SLIT2: variants seen among roughly 807,000 people sequenced by gnomAD.
The protein encoded by SLIT2 is slit guidance ligand 2, also known as slit homolog 2 protein.
Under a neutral mutation model 185.7 loss-of-function variants are expected in SLIT2, and 41 were observed. The observed-to-expected ratio is 0.22, with a 90% CI of 0.17 to 0.29. The LOEUF is 0.29. Among genes scored for constraint, SLIT2 ranks in the 10% least tolerant of loss-of-function variants. SLIT2 has a pLI of 1.00. For missense variants in SLIT2, 1,571 were observed against 1,909.0 expected (o/e 0.82, Z 3.30); for synonymous variants, 693 against 680.2 (o/e 1.02, Z -0.29).
At chr4:20,514,708 G>A (rs1447450064) in intron 11 of SLIT2, among the ~76,000 whole-genome samples, 1 of 147,130 alleles carries the variant, frequency 6.8e-6, no homozygotes, top group African/African-American at 2.4e-5. Context: ...TTAGAGATAA[G>A]TGGACTTGAT....
chr4:20,456,229 G>A (rs1713053518), intron 4 of SLIT2, among the ~76,000 whole-genome samples: 1 of 152,040 alleles, frequency 6.6e-6, no homozygotes, highest in Non-Finnish European at 1.5e-5. Context: ...AAACTTCTTA[G>A]TCCTCTAGTC....
chr4:20,586,740 G>A (rs1281763544), intron 29 of SLIT2, among the ~76,000 whole-genome samples: 1 of 152,142 alleles, frequency 6.6e-6, no homozygotes, highest in Non-Finnish European at 1.5e-5. Flanking sequence ...ATTAGAGATA[G>A]AGAAGAAATA....
chr4:20,289,703 G>A (rs1464580886), intron 4 of SLIT2, among the ~76,000 whole-genome samples: 3 of 152,126 alleles, frequency 2.0e-5, no homozygotes, highest in African/African-American at 7.2e-5. Flanking sequence ...GTTCACTGTT[G>A]TATCCTTAGT....
At chr4:20,437,522 G>C (rs2148693956) in intron 4 of SLIT2, among the ~76,000 whole-genome samples, 1 of 152,192 alleles carries the variant, frequency 6.6e-6, no homozygotes, top group Admixed American at 6.5e-5. Context: ...AGCTGGGGTG[G>C]GAGGATCACC....
intron 26 of SLIT2, among the ~76,000 whole-genome samples, chr4:20,566,039 C>T (rs904463639): frequency 4.6e-5 from 7 of 152,020 alleles, no homozygotes; most frequent in African/African-American, 1.7e-4. Context: ...ATCAACAACG[C>T]AAGCGTGGGC....
At chr4:20,366,782 G>GT (rs1174812851) in intron 4 of SLIT2, among the ~76,000 whole-genome samples, 2 of 151,934 alleles carry the variant, frequency 1.3e-5, no homozygotes, top group African/African-American at 2.4e-5. Context: ...ATATTTTAGG[G>GT]TTTTTTTAGT....
At chr4:20,515,858 G>A (rs1720158401) in intron 11 of SLIT2, among the ~76,000 whole-genome samples, 1 of 151,974 alleles carries the variant, frequency 6.6e-6, no homozygotes, top group African/African-American at 2.4e-5. Context: ...CACTGTCACC[G>A]AGGCTGGAGT....
At chr4:20,358,118 A>G (rs1722476631) in intron 4 of SLIT2, among the ~76,000 whole-genome samples, 1 of 152,150 alleles carries the variant, frequency 6.6e-6, no homozygotes. Flanking sequence ...TAATTGGTCC[A>G]GAAAATCAGA....
intron 4 of SLIT2, among the ~76,000 whole-genome samples, chr4:20,361,338 A>G (rs542154087): frequency 6.2e-4 from 94 of 152,184 alleles, no homozygotes; most frequent in Admixed American, 2.3e-3. Context: ...CTACCCATCC[A>G]TCAATGAACT....
At chr4:20,421,527 T>C (rs1728174573) in intron 4 of SLIT2, among the ~76,000 whole-genome samples, 1 of 152,174 alleles carries the variant, frequency 6.6e-6, no homozygotes, top group South Asian at 2.1e-4. Context: ...CGATAAACTT[T>C]TTTGAAAGCA....
At chr4:20,553,755 GTA>G (rs1491407084) in intron 25 of SLIT2, 48 bp from the exon 26 acceptor site, 9 of 1,370,456 alleles carry the variant, frequency 6.6e-6, no homozygotes, top group South Asian at 1.6e-5. Context: ...GTGTGTGTGT[GTA>G]TGTGTGTGTG....
rs114885805 is a variant in SLIT2, at chr4:20,322,176, C to G, written c.395+53295C>G. On this transcript the variant is annotated intron_variant, in intron 4 of 36. Coordinates refer to ENST00000504154, the MANE Select transcript of SLIT2 (RefSeq NM_004787.4). ...CATATGTGAACCTCCAAATCTCAGA[C>G]AGGTTTCAGTCAATTTAAGAAGTGT... 1.0e-3 allele frequency among the ~76,000 whole-genome samples: 152 copies of G among 152,308 alleles called. 1 individual carries two copies. The highest frequency in any genetic ancestry group is 3.2e-3 in the African/African-American group (131 of 41,566).
At chr4:20,326,746 C>CTTTTT (rs59509608) in intron 4 of SLIT2, among the ~76,000 whole-genome samples, 11 of 54,710 alleles carry the variant, frequency 2.0e-4, no homozygotes, top group African/African-American at 4.2e-4. Context: ...ATTCTGAAAC[C>CTTTTT]TTTTTTTTTT....
chr4:20,264,574 A>G (rs1712830351), intron 3 of SLIT2, among the ~76,000 whole-genome samples: 1 of 151,912 alleles, frequency 6.6e-6, no homozygotes, highest in Non-Finnish European at 1.5e-5. Context: ...GCTAAAGGAC[A>G]AGAGTCATAG....
chr4:20,574,786 C>CAAA (rs57022828), intron 29 of SLIT2, among the ~76,000 whole-genome samples: 21 of 86,136 alleles, frequency 2.4e-4, no homozygotes, highest in African/African-American at 8.1e-4. Flanking sequence ...GACTCGCTTT[C>CAAA]AAAAAAAAAA....
At chr4:20,533,213 C>T (rs61789456) in intron 17 of SLIT2, among the ~76,000 whole-genome samples, 29,765 of 152,200 alleles carry the variant, frequency 0.2, 3,316 homozygotes, top group Middle Eastern at 0.32. Flanking sequence ...TTCTTTTAGT[C>T]ATTAACATTT....
chr4:20,605,988 A>G (rs1728770221), intron 33 of SLIT2, among the ~76,000 whole-genome samples: 1 of 151,974 alleles, frequency 6.6e-6, no homozygotes, highest in South Asian at 2.1e-4. Context: ...AGCTCAAGCA[A>G]TCCGCCCATC....
intron 4 of SLIT2, among the ~76,000 whole-genome samples, chr4:20,363,767 T>C (rs1318012003): frequency 6.6e-6 from 1 of 152,052 alleles, no homozygotes; most frequent in East Asian, 1.9e-4. Flanking sequence ...AGAAGGGAAA[T>C]ATTTAAATGT....
At chr4:20,420,963 T>C (rs2109463581) in intron 4 of SLIT2, among the ~76,000 whole-genome samples, 1 of 152,270 alleles carries the variant, frequency 6.6e-6, no homozygotes, top group East Asian at 1.9e-4. Flanking sequence ...CCTCCAGAAC[T>C]ATGAGAGAAT....
Sources: allele counts gnomAD v4.1 joint callset (sites outside exome capture counted in the v4.1 genomes callset), GRCh38; gene constraint gnomAD v4.1.1; transcripts MANE v1.5; gene names NCBI Gene and HGNC (gene_info 2026-07-23, HGNC 2026-07-21).